Variants in RAD54B observed in about 807,000 individuals in gnomAD.
RAD54B encodes the protein DNA repair and recombination protein RAD54B.
In RAD54B, 78 loss-of-function variants were observed where a neutral mutation model predicts 95.8. That is an observed-to-expected ratio of 0.81 (90% CI 0.68 to 0.98). The LOEUF is 0.98. Among genes scored for constraint, RAD54B ranks in the 50% least tolerant of loss-of-function variants. The pLI is 0.00. For missense variants in RAD54B, 957 were observed against 1,056.6 expected (o/e 0.91, Z 1.31); for synonymous variants, 328 against 354.9 (o/e 0.92, Z 0.85).
intron 3 of RAD54B, among the ~76,000 whole-genome samples, chr8:94,445,699 A>AT (rs112064602): frequency 0.01 from 1,531 of 146,570 alleles, 18 homozygotes; most frequent in African/African-American, 0.032. Context: ...AGGTACATTA[A>AT]TTTTTTTTTT....
intron 3 of RAD54B, among the ~76,000 whole-genome samples, chr8:94,421,154 GC>G (rs1811799653): frequency 6.6e-6 from 1 of 151,804 alleles, no homozygotes; most frequent in South Asian, 2.1e-4. Context: ...CCCCTAAACT[GC>G]CCTGTTAAAG....
chr8:94,407,047 T>C (rs1563645038), intron 5 of RAD54B, among the ~76,000 whole-genome samples: 1 of 152,314 alleles, frequency 6.6e-6, no homozygotes, highest in East Asian at 1.9e-4. Context: ...CTAATGCTTG[T>C]GATCAAGGCA....
Position 94,389,184 on chromosome 8 carries a change from GC to G in RAD54B, c.1810-2026del, listed in dbSNP as rs369418519. On this transcript the variant is annotated intron_variant, in intron 10 of 14. Transcript: ENST00000336148. ...TGCCCAGACTGGTCTCGAACTCTTGGCCTCAAGCAATTCTCCCACCTCAGCC... is the reference window on the plus strand; with the variant it reads ...TGCCCAGACTGGTCTCGAACTCTTGGCTCAAGCAATTCTCCCACCTCAGCC... Among the ~76,000 whole-genome samples the G allele has an allele frequency of 1.2e-3, 183 of 152,262 alleles. 1 individual carries two copies. Among genetic ancestry groups the G allele is most frequent in the African/African-American group, 4.2e-3 (176 of 41,558 alleles).
chr8:94,460,243 A>C (rs992509308), intron 2 of RAD54B, among the ~76,000 whole-genome samples: 4 of 152,032 alleles, frequency 2.6e-5, no homozygotes, highest in Admixed American at 2.6e-4. Flanking sequence ...GGCCAAGGCA[A>C]GCAGAGTCCT....
At chr8:94,384,338 C>T (rs1052045596) in intron 11 of RAD54B, among the ~76,000 whole-genome samples, 1 of 152,072 alleles carries the variant, frequency 6.6e-6, no homozygotes, top group Non-Finnish European at 1.5e-5. Flanking sequence ...GAAATTCTGA[C>T]ACATGCTACA....
intron 3 of RAD54B, among the ~76,000 whole-genome samples, chr8:94,444,496 G>GATCT (rs1812475128): frequency 2.0e-5 from 3 of 151,284 alleles, no homozygotes; most frequent in Admixed American, 2.0e-4. Flanking sequence ...GAATAAGGTG[G>GATCT]ATCTACGTGT....
intron 3 of RAD54B, among the ~76,000 whole-genome samples, chr8:94,425,933 A>T (rs886065051): frequency 2.0e-5 from 3 of 152,108 alleles, no homozygotes; most frequent in African/African-American, 7.2e-5. Context: ...CTGACATTCC[A>T]GTCACTGAAC....
chr8:94,427,880 A>G (rs1164875509), intron 3 of RAD54B: 1 of 953,132 alleles, frequency 1.0e-6, no homozygotes, highest in African/African-American at 1.8e-5. Flanking sequence ...AAAAACTCAT[A>G]GTTTAAACAT....
intron 3 of RAD54B, among the ~76,000 whole-genome samples, chr8:94,425,196 T>G (rs1811913953): frequency 6.6e-6 from 1 of 151,556 alleles, no homozygotes; most frequent in African/African-American, 2.4e-5. Flanking sequence ...AATGACTTAA[T>G]TGTACAACCC....
At chr8:94,420,669 G>A (rs1811783844) in intron 3 of RAD54B, among the ~76,000 whole-genome samples, 1 of 146,294 alleles carries the variant, frequency 6.8e-6, no homozygotes, top group African/African-American at 2.5e-5. Flanking sequence ...TGTATTGCAG[G>A]AAGAAACACA....
chr8:94,391,569 C>G (rs1811020752), intron 10 of RAD54B, 40 bp downstream of exon 10: 1 of 1,578,748 alleles, frequency 6.3e-7, no homozygotes, highest in African/African-American at 1.4e-5. Flanking sequence ...ACTATAGAAC[C>G]CTCATATCCC....
intron 3 of RAD54B, chr8:94,429,791 C>G (rs1292092865): frequency 1.0e-6 from 1 of 985,008 alleles, no homozygotes. Context: ...TATAAAACAC[C>G]CTCTTTTTAA....
At chr8:94,461,785 T>C (rs1812912284) in intron 2 of RAD54B, among the ~76,000 whole-genome samples, 1 of 152,194 alleles carries the variant, frequency 6.6e-6, no homozygotes, top group African/African-American at 2.4e-5. Context: ...GCTATGCTCC[T>C]TCGCCTCTAA....
At chr8:94,404,040 ATT>A in intron 6 of RAD54B, 35 bp downstream of exon 6, 1 of 1,484,038 alleles carries the variant, frequency 6.7e-7, no homozygotes, top group Non-Finnish European at 9.2e-7. Context: ...TTAAATCAAA[ATT>A]CAGATTAGAT....
At chr8:94,376,096 T>C (rs1164090690) in intron 14 of RAD54B, among the ~76,000 whole-genome samples, 1 of 152,140 alleles carries the variant, frequency 6.6e-6, no homozygotes, top group African/African-American at 2.4e-5. Context: ...GACAGAATTC[T>C]ACACTAGGCA....
chr8:94,414,148 T>A (rs1045893937), intron 3 of RAD54B, among the ~76,000 whole-genome samples: 3 of 152,148 alleles, frequency 2.0e-5, no homozygotes, highest in Non-Finnish European at 4.4e-5. Flanking sequence ...AGAATTCTTA[T>A]AGTTTAAAAA....
intron 10 of RAD54B, among the ~76,000 whole-genome samples, chr8:94,388,519 C>G (rs1002921809): frequency 2.0e-5 from 3 of 152,174 alleles, no homozygotes; most frequent in Admixed American, 6.5e-5. Flanking sequence ...CAACAGCACA[C>G]ACAGGGGTCA....
At chr8:94,456,980 T>C (rs139433787) in intron 3 of RAD54B, among the ~76,000 whole-genome samples, 119 of 152,348 alleles carry the variant, frequency 7.8e-4, no homozygotes, top group Middle Eastern at 6.8e-3. Flanking sequence ...ACTCCCTCTT[T>C]ATTTTATCTT....
chr8:94,379,360 G>A (rs914329949), intron 12 of RAD54B, among the ~76,000 whole-genome samples: 17 of 152,156 alleles, frequency 1.1e-4, no homozygotes, highest in South Asian at 2.1e-4. Context: ...ACACCAAGAC[G>A]TGGATGAACT....
Sources: gnomAD v4.1 joint callset for allele counts (sites outside exome capture counted in the v4.1 genomes callset) on GRCh38, gnomAD v4.1.1 for gene constraint, MANE v1.5 for transcripts, NCBI Gene and HGNC (gene_info 2026-07-23, HGNC 2026-07-21) for gene names.